The following DOCK1 variants were observed in gnomAD, a reference collection of about 807,000 sequenced individuals.
DOCK1 encodes the protein dedicator of cytokinesis protein 1.
A neutral mutation model predicts 262.7 loss-of-function variants in DOCK1; 138 were observed. That is an observed-to-expected ratio of 0.53 (90% CI 0.46 to 0.61). DOCK1 has a LOEUF of 0.61. Among genes scored for constraint, DOCK1 ranks in the 20% least tolerant of loss-of-function variants. DOCK1 has a pLI of 0.00. For missense variants in DOCK1, 1,908 were observed against 2,370.7 expected (o/e 0.80, Z 4.05); for synonymous variants, 866 against 867.4 (o/e 1.00, Z 0.03).
chr10:127,114,232 T>A (rs918092246), intron 25 of DOCK1, among the ~76,000 whole-genome samples: 5 of 152,182 alleles, frequency 3.3e-5, no homozygotes, highest in Non-Finnish European at 7.4e-5. Context: ...GGCTTCAGCA[T>A]GCCTGTAATG....
intron 1 of DOCK1, among the ~76,000 whole-genome samples, chr10:126,945,492 C>T (rs2035330818): frequency 1.3e-5 from 2 of 151,598 alleles, no homozygotes; most frequent in Non-Finnish European, 2.9e-5. Flanking sequence ...AGAGAGAGTG[C>T]ACACAAGGCA....
intron 23 of DOCK1, among the ~76,000 whole-genome samples, chr10:127,088,661 G>T (rs1040550708): frequency 1.3e-5 from 2 of 152,118 alleles, no homozygotes; most frequent in African/African-American, 4.8e-5. Flanking sequence ...TGGAAGCCGG[G>T]TTTTGGGAGG....
intron 29 of DOCK1, among the ~76,000 whole-genome samples, chr10:127,295,764 T>C (rs533745392): frequency 6.6e-6 from 1 of 152,024 alleles, no homozygotes; most frequent in East Asian, 1.9e-4. Flanking sequence ...TCTGTGCCAA[T>C]TGAGGTTTGG....
chr10:127,134,016 A>G (rs1200249063), intron 27 of DOCK1, among the ~76,000 whole-genome samples: 12 of 152,360 alleles, frequency 7.9e-5, no homozygotes, highest in Admixed American at 7.8e-4. Context: ...AATGAAATCA[A>G]CTTTCACTTG....
At chr10:127,107,701 G>T (rs2048614887) in intron 24 of DOCK1, among the ~76,000 whole-genome samples, 1 of 152,200 alleles carries the variant, frequency 6.6e-6, no homozygotes, top group Non-Finnish European at 1.5e-5. Flanking sequence ...AAACTGCACA[G>T]TGGGGCCTGG....
chr10:126,997,531 C>T (rs769795498), intron 7 of DOCK1, among the ~76,000 whole-genome samples: 5 of 151,924 alleles, frequency 3.3e-5, no homozygotes, highest in South Asian at 2.1e-4. Context: ...TTTTAAACGA[C>T]GAGATCTTGT....
chr10:127,081,846 G>T (rs1398850817), intron 23 of DOCK1, among the ~76,000 whole-genome samples: 3 of 152,112 alleles, frequency 2.0e-5, no homozygotes, highest in African/African-American at 7.2e-5. Flanking sequence ...TCTGATTTTG[G>T]ATCATTTTGA....
intron 38 of DOCK1, among the ~76,000 whole-genome samples, chr10:127,395,631 A>AG (rs764071428): frequency 1.3e-5 from 2 of 151,876 alleles, no homozygotes; most frequent in African/African-American, 4.8e-5. Context: ...TCCTCTTTTC[A>AG]GGGGGTAATT....
chr10:126,972,119 T>C (rs2038157438), intron 2 of DOCK1, among the ~76,000 whole-genome samples: 1 of 152,058 alleles, frequency 6.6e-6, no homozygotes, highest in Non-Finnish European at 1.5e-5. Context: ...TTTCTCCTTG[T>C]TGGTCAGGCT....
intron 12 of DOCK1, among the ~76,000 whole-genome samples, chr10:127,017,839 C>T (rs1351738402): frequency 6.6e-6 from 1 of 152,218 alleles, no homozygotes; most frequent in Non-Finnish European, 1.5e-5. Context: ...GGCCGAGCCC[C>T]TGCCTGCCCC....
chr10:126,912,691 A>C (rs752864565), intron 1 of DOCK1, among the ~76,000 whole-genome samples: 72 of 147,712 alleles, frequency 4.9e-4, no homozygotes, highest in Non-Finnish European at 8.4e-4. Flanking sequence ...GCGCCACCGT[A>C]CTCCAGCCTG....
chr10:127,424,569 C>A (rs1442373758), intron 46 of DOCK1, among the ~76,000 whole-genome samples: 2 of 152,142 alleles, frequency 1.3e-5, no homozygotes, highest in Admixed American at 1.3e-4. Context: ...ATTCGACATC[C>A]CACCAAAAGT....
At chr10:127,230,528 C>T (rs2058802057) in intron 27 of DOCK1, among the ~76,000 whole-genome samples, 1 of 151,998 alleles carries the variant, frequency 6.6e-6, no homozygotes, top group Non-Finnish European at 1.5e-5. Flanking sequence ...TTATCCTTTC[C>T]TCATTGTGTG....
chr10:126,967,735 T>C (rs924599167), intron 1 of DOCK1, among the ~76,000 whole-genome samples: 2 of 152,170 alleles, frequency 1.3e-5, no homozygotes, highest in Non-Finnish European at 2.9e-5. Context: ...CCCTCCCGTC[T>C]TCCTCTTATA....
intron 29 of DOCK1, among the ~76,000 whole-genome samples, chr10:127,334,936 C>T (rs1038515256): frequency 6.6e-6 from 1 of 152,106 alleles, no homozygotes; most frequent in Admixed American, 6.5e-5. Context: ...AGCTGAATCC[C>T]ACCGCAGAAA....
chr10:126,918,644 A>G (rs1217326825), intron 1 of DOCK1, among the ~76,000 whole-genome samples: 1 of 152,128 alleles, frequency 6.6e-6, no homozygotes, highest in Non-Finnish European at 1.5e-5. Flanking sequence ...TGGTATTTTA[A>G]TAAGTTCTAG....
intron 27 of DOCK1, among the ~76,000 whole-genome samples, chr10:127,147,517 C>G (rs1348819100): frequency 1.3e-5 from 2 of 152,094 alleles, no homozygotes; most frequent in Non-Finnish European, 2.9e-5. Flanking sequence ...ACAGAGGGCT[C>G]TCTCTCGCCA....
chr10:126,934,196 A>G (rs2134200626), intron 1 of DOCK1, among the ~76,000 whole-genome samples: 1 of 152,158 alleles, frequency 6.6e-6, no homozygotes, highest in South Asian at 2.1e-4. Flanking sequence ...CTCAAATTTT[A>G]TATATAGTAT....
chr10:127,347,302 G>T (rs1032292485), intron 31 of DOCK1, among the ~76,000 whole-genome samples: 1 of 152,184 alleles, frequency 6.6e-6, no homozygotes, highest in African/African-American at 2.4e-5. Flanking sequence ...GACGAAGAAG[G>T]TCATGGTCTA....
Sources: gnomAD v4.1 joint callset for allele counts (sites outside exome capture counted in the v4.1 genomes callset) on GRCh38, gnomAD v4.1.1 for gene constraint, MANE v1.5 for transcripts, NCBI Gene and HGNC (gene_info 2026-07-23, HGNC 2026-07-21) for gene names.